GRIK2: variants seen among roughly 807,000 people sequenced by gnomAD.
The protein encoded by GRIK2 is glutamate ionotropic receptor kainate type subunit 2.
A neutral mutation model predicts 100.3 loss-of-function variants in GRIK2; 32 were observed. That is an observed-to-expected ratio of 0.32 (90% confidence interval 0.24 to 0.43). The LOEUF (loss-of-function observed/expected upper bound fraction) is 0.43. Ranked by LOEUF, GRIK2 falls within the 20% of genes least tolerant of loss-of-function variation. The pLI is 1.00. For synonymous variants in GRIK2, 417 were observed against 389.4 expected (o/e 1.07, Z -0.83); for missense variants, 843 against 1,114.9 (o/e 0.76, Z 3.47).
At chr6:101,647,667 C>T (rs375318317) in intron 4 of GRIK2, among the ~76,000 whole-genome samples, 9 of 151,916 alleles carry the variant, frequency 5.9e-5, no homozygotes, top group Non-Finnish European at 7.4e-5. Flanking sequence ...GTACTTCATA[C>T]GACTCAGTTA....
In GRIK2 at chr6:101,728,650, T is replaced by G. The variant is rs559129285; in HGVS notation, c.951+42297T>G. ...AGCCTGGATTATCTAATTTATAACATGGAGATAACAATACACAGAGTAAGC... is the reference window on the plus strand; with the variant it reads ...AGCCTGGATTATCTAATTTATAACAGGGAGATAACAATACACAGAGTAAGC... On this transcript the variant is annotated intron_variant, in intron 7 of 16. Coordinates refer to ENST00000369134, the MANE Select transcript of GRIK2 (RefSeq NM_021956.5). Among the ~76,000 whole-genome samples, 20 of 152,152 alleles carry G rather than the reference T, an allele frequency of 1.3e-4. 1 individual carries two copies. The South Asian group carries it at 4.1e-3, about 32-fold the overall frequency.
At chr6:101,592,165 C>G (rs1778678986) in intron 2 of GRIK2, among the ~76,000 whole-genome samples, 1 of 152,002 alleles carries the variant, frequency 6.6e-6, no homozygotes, top group Non-Finnish European at 1.5e-5. Flanking sequence ...CCTGCAGAAC[C>G]ATGAGCCAAA....
intron 12 of GRIK2, among the ~76,000 whole-genome samples, chr6:101,909,381 T>TTGTTG (rs1562480959): frequency 7.3e-6 from 1 of 136,126 alleles, no homozygotes; most frequent in African/African-American, 2.9e-5. Context: ...GTTTTCTTTT[T>TTGTTG]CTTTTTTTTT....
At chr6:101,674,083 G>T (rs1490621522) in intron 4 of GRIK2, among the ~76,000 whole-genome samples, 1 of 152,080 alleles carries the variant, frequency 6.6e-6, no homozygotes, top group African/African-American at 2.4e-5. Context: ...ATCTTGCTTT[G>T]AATTAATTAT....
intron 7 of GRIK2, among the ~76,000 whole-genome samples, chr6:101,781,982 G>T (rs1461432958): frequency 6.6e-6 from 1 of 152,082 alleles, no homozygotes; most frequent in Non-Finnish European, 1.5e-5. Context: ...TCCTATGACA[G>T]AAAGAGGGCT....
intron 7 of GRIK2, among the ~76,000 whole-genome samples, chr6:101,753,541 G>A (rs1190536933): frequency 6.6e-6 from 1 of 151,818 alleles, no homozygotes; most frequent in Non-Finnish European, 1.5e-5. Context: ...TCCATGAAAG[G>A]TAACTAACTG....
Position 101,859,370 on chromosome 6 carries a change from C to T in GRIK2, c.1401C>T (p.Leu467=). The change falls in exon 11 of 17, where the codon CTC becomes CTT. Residue 467 remains leucine (L), a synonymous_variant. Transcript: ENST00000369134. ...TTGAAGGCTATTGCATTGATCTCCT[C>T]AGAGAGTTATCTACAATCCTTGGCT... The part of the protein sequence containing the change: ...DRFEGYCIDL[L]RELSTILGFT... The T allele has an allele frequency of 6.2e-7, 1 of 1,601,382 alleles. No homozygotes were observed. The highest frequency in any genetic ancestry group is 8.6e-7 in the Non-Finnish European group (1 of 1,168,644).
chr6:101,907,947 C>T (rs1434522517), intron 12 of GRIK2, among the ~76,000 whole-genome samples: 2 of 151,444 alleles, frequency 1.3e-5, no homozygotes, highest in Non-Finnish European at 1.5e-5. Flanking sequence ...TTTTCTTCCT[C>T]CTCTCCCCTT....
At chr6:101,923,471 A>G (rs1789684582) in intron 12 of GRIK2, among the ~76,000 whole-genome samples, 1 of 152,200 alleles carries the variant, frequency 6.6e-6, no homozygotes, top group African/African-American at 2.4e-5. Context: ...TTTGAACTAC[A>G]TTAGAGATGT....
chr6:102,042,579 A>G (rs1307937662), intron 15 of GRIK2, among the ~76,000 whole-genome samples: 2 of 151,618 alleles, frequency 1.3e-5, no homozygotes, highest in Non-Finnish European at 3.0e-5. Context: ...TGAAAAAGAT[A>G]TATTTTTTTC....
At chr6:101,810,535 T>C (rs931251029) in intron 9 of GRIK2, among the ~76,000 whole-genome samples, 2 of 152,102 alleles carry the variant, frequency 1.3e-5, no homozygotes, top group African/African-American at 4.8e-5. Flanking sequence ...AATTAACTTA[T>C]ATCTGAAGGT....
At chr6:101,575,905 A>AT (rs1181676309) in intron 2 of GRIK2, among the ~76,000 whole-genome samples, 1 of 151,774 alleles carries the variant, frequency 6.6e-6, no homozygotes, top group African/African-American at 2.4e-5. Flanking sequence ...GTAAGAATTG[A>AT]TTTTTCCACC....
At chr6:101,448,014 A>G (rs1479734061) in intron 2 of GRIK2, among the ~76,000 whole-genome samples, 8 of 151,844 alleles carry the variant, frequency 5.3e-5, no homozygotes, top group African/African-American at 1.2e-4. Flanking sequence ...TTTATATGCT[A>G]TAATTCAGGC....
chr6:101,836,905 C>A (rs1162551216), intron 10 of GRIK2, among the ~76,000 whole-genome samples: 1 of 151,842 alleles, frequency 6.6e-6, no homozygotes, highest in Non-Finnish European at 1.5e-5. Context: ...ACCCTTTGAT[C>A]TGCCCTCCTC....
At chr6:101,681,458 G>A (rs1771247726) in intron 5 of GRIK2, among the ~76,000 whole-genome samples, 1 of 144,272 alleles carries the variant, frequency 6.9e-6, no homozygotes, top group Non-Finnish European at 1.5e-5. Flanking sequence ...ACCAAGGCTG[G>A]TCTTGGGCTC....
chr6:101,837,479 A>G (rs543591961), intron 10 of GRIK2, among the ~76,000 whole-genome samples: 1 of 152,352 alleles, frequency 6.6e-6, no homozygotes, highest in East Asian at 1.9e-4. Context: ...CATAATGTAT[A>G]TATATACCAA....
chr6:101,935,461 C>T (rs1169808088), intron 14 of GRIK2, among the ~76,000 whole-genome samples: 2 of 151,780 alleles, frequency 1.3e-5, no homozygotes, highest in South Asian at 2.1e-4. Context: ...TCTTTGTAAA[C>T]CTTTATCGTA....
In GRIK2 at chr6:101,889,663, A is replaced by G; in HGVS notation, c.1548A>G (p.Pro516=). ...AGAAAGCTGACCTTGCAGTTGCTCC[A>G]CTGGCTATTACCTATGTTCGAGAGA... The part of the protein sequence containing the change: ...IDHKADLAVA[P]LAITYVREKV... The change falls in exon 12 of 17, where the codon CCA becomes CCG. Residue 516 remains proline (P), a synonymous_variant. Coordinates refer to ENST00000369134, the MANE Select transcript of GRIK2 (RefSeq NM_021956.5). The G allele has an allele frequency of 6.3e-7, 1 of 1,582,976 alleles. No homozygotes were observed. Among genetic ancestry groups the G allele is most frequent in the African/African-American group, 1.4e-5 (1 of 69,672 alleles).
intron 4 of GRIK2, among the ~76,000 whole-genome samples, chr6:101,645,272 T>C (rs1396172531): frequency 1.3e-5 from 2 of 151,926 alleles, no homozygotes; most frequent in Non-Finnish European, 2.9e-5. Context: ...TAATTCATCA[T>C]GTCAATTATT....
Sources: allele counts gnomAD v4.1 joint callset (sites outside exome capture counted in the v4.1 genomes callset), GRCh38; gene constraint gnomAD v4.1.1; transcripts MANE v1.5; gene names NCBI Gene and HGNC (gene_info 2026-07-23, HGNC 2026-07-21).